Variants in PIEZO2 observed in about 807,000 individuals in gnomAD.
PIEZO2 encodes the protein piezo-type mechanosensitive ion channel component 2.
Under a neutral mutation model 337.3 loss-of-function variants are expected in PIEZO2, and 172 were observed. That is an observed-to-expected ratio of 0.51 (90% CI 0.45 to 0.58). The LOEUF is 0.58. PIEZO2 is among the 20% of genes least tolerant of loss of function. The pLI, the probability that PIEZO2 is intolerant of heterozygous loss-of-function variation, is 0.00. For synonymous variants in PIEZO2, 1,251 were observed against 1,228.5 expected (o/e 1.02, Z -0.38); for missense variants, 3,028 against 3,391.3 (o/e 0.89, Z 2.66).
intron 7 of PIEZO2, among the ~76,000 whole-genome samples, chr18:10,811,244 G>T (rs1346000122): frequency 6.6e-6 from 1 of 152,058 alleles, no homozygotes; most frequent in African/African-American, 2.4e-5. Context: ...CTCCTTCTTA[G>T]ATTCAGTTTT....
rs2039125959 is a variant in PIEZO2 at position 11,092,541 on chromosome 18, T to C, written c.65-26319A>G. Reference sequence around the variant, plus strand: ...TATTTTCTAGAATTAGCATAAATACTTTTGAAACCAGGAAAATAAGTTATT... The same window carrying C: ...TATTTTCTAGAATTAGCATAAATACCTTTGAAACCAGGAAAATAAGTTATT... On this transcript the variant is annotated intron_variant, in intron 1 of 55. Transcript: ENST00000674853. This position sits in a 1 kb window ranked among gnomAD's most constrained non-coding sequence, Gnocchi z 4.5. 6.6e-6 allele frequency among the ~76,000 whole-genome samples: 1 copy of C among 152,242 alleles called. No homozygotes were observed. Among genetic ancestry groups the C allele is most frequent in the Admixed American group, 6.5e-5 (1 of 15,286 alleles).
chr18:10,909,913 G>A (rs943262374), intron 4 of PIEZO2, among the ~76,000 whole-genome samples: 2 of 152,218 alleles, frequency 1.3e-5, no homozygotes, highest in Admixed American at 6.5e-5. Flanking sequence ...AACAGCGATG[G>A]TGCTGATGTA....
intron 43 of PIEZO2, 41 bp from the exon 44 acceptor site, chr18:10,699,218 A>C (rs1263976080): frequency 2.6e-6 from 4 of 1,534,572 alleles, no homozygotes; most frequent in Non-Finnish European, 3.5e-6. Context: ...CTACTGTTTC[A>C]GGTGGAACCC....
intron 36 of PIEZO2, among the ~76,000 whole-genome samples, chr18:10,720,363 C>A (rs11661313): frequency 1.8e-5 from 1 of 56,298 alleles, no homozygotes; most frequent in Non-Finnish European, 3.2e-5. Context: ...TATATATATT[C>A]TGTGTGTGTG....
In PIEZO2 at chr18:10,828,126, GTTTGT is replaced by G. The variant is rs2040733342; in HGVS notation, c.918-20857_918-20853del. On this transcript the variant is annotated intron_variant, in intron 7 of 55. Coordinates refer to ENST00000674853, the MANE Select transcript of PIEZO2 (RefSeq NM_001378183.1). This position sits in a 1 kb window ranked among gnomAD's most constrained non-coding sequence, Gnocchi z 4.1. The stretch of plus-strand genomic sequence containing the variant: ...CGAAATAGCATGACGGTTTTTTTTT[GTTTGT>G]TTGTTTTTGTTTTTTTTTTTTTTTA... Among the ~76,000 whole-genome samples the G allele has an allele frequency of 1.1e-5, 1 of 91,988 alleles. No individual in the cohort carries two copies. Among genetic ancestry groups the G allele is most frequent in the African/African-American group, 5.8e-5 (1 of 17,364 alleles). The allele number at this position is 91,988 out of a possible 152,430, so 60.3% of individuals were successfully genotyped here.
chr18:10,990,925 G>A (rs1458069296), intron 2 of PIEZO2, among the ~76,000 whole-genome samples: 1 of 151,804 alleles, frequency 6.6e-6, no homozygotes, highest in East Asian at 1.9e-4. Context: ...AAAAATATTT[G>A]CAAGCCTGTT....
rs1568225901 is a variant in PIEZO2, at chr18:10,945,079, G to A, written c.287-33851C>T. Among the ~76,000 whole-genome samples the A allele has an allele frequency of 6.6e-6, 1 of 152,148 alleles. No individual in the cohort carries two copies. Among genetic ancestry groups the A allele is most frequent in the South Asian group, 2.1e-4 (1 of 4,826 alleles). ...AAAGAGTATTAGAGAATAGATTGCA[G>A]CACAGAAGAAGGGCCCCGGAGATCT... On this transcript the variant is annotated intron_variant, in intron 3 of 55. Coordinates refer to ENST00000674853, the MANE Select transcript of PIEZO2 (RefSeq NM_001378183.1). The surrounding 1 kb of genome is among the most constrained non-coding windows in gnomAD (Gnocchi z 4.0).
intron 21 of PIEZO2, among the ~76,000 whole-genome samples, chr18:10,764,954 A>G (rs1360245997): frequency 6.6e-6 from 1 of 152,252 alleles, no homozygotes; most frequent in East Asian, 1.9e-4. Context: ...ATGCTGTGAA[A>G]TTAACTCAGT....
chr18:10,710,256 C>T lies in PIEZO2; in HGVS notation c.5424-1817G>A, dbSNP rs79509006. Among the ~76,000 whole-genome samples, 358 of 152,270 alleles carry T rather than the reference C, an allele frequency of 2.4e-3. 1 individual carries two copies. In the Middle Eastern group the frequency reaches 0.041, roughly 17 times the overall value. On this transcript the variant is annotated intron_variant, in intron 39 of 55. Coordinates refer to ENST00000674853, the MANE Select transcript of PIEZO2 (RefSeq NM_001378183.1). Reference sequence around the variant, plus strand: ...ACATAATCCCACACAGTTGGGTTCCCGGTAGGGCAACTAATACATCACACA... The same window carrying T: ...ACATAATCCCACACAGTTGGGTTCCTGGTAGGGCAACTAATACATCACACA...
chr18:10,820,718 G>C (rs146660391), intron 7 of PIEZO2, among the ~76,000 whole-genome samples: 1 of 151,914 alleles, frequency 6.6e-6, no homozygotes, highest in African/African-American at 2.4e-5. Context: ...CTACATTATC[G>C]AGTGTCTCGA....
chr18:10,696,567 C>G (rs752402186), intron 45 of PIEZO2, 28 bp from the exon 46 acceptor site: 1 of 1,611,552 alleles, frequency 6.2e-7, no homozygotes, highest in South Asian at 1.1e-5. Flanking sequence ...CCACCCCCAA[C>G]CCACTTGTTT....
At chr18:10,917,425 T>C (rs1427439001) in intron 3 of PIEZO2, among the ~76,000 whole-genome samples, 1 of 152,172 alleles carries the variant, frequency 6.6e-6, no homozygotes, top group Non-Finnish European at 1.5e-5. Context: ...AAAGAAGACA[T>C]CTCTGTCTTC....
intron 13 of PIEZO2, among the ~76,000 whole-genome samples, chr18:10,792,890 C>A (rs186096485): frequency 6.6e-6 from 1 of 152,234 alleles, no homozygotes; most frequent in African/African-American, 2.4e-5. Context: ...TACATTCCCA[C>A]CAGCAGTGTG....
chr18:10,978,679 A>G (rs74898553), intron 3 of PIEZO2, among the ~76,000 whole-genome samples: 8,414 of 152,262 alleles, frequency 0.055, 510 homozygotes, highest in African/African-American at 0.15. Context: ...GGGAAAAGCA[A>G]GTTTGCTTGT....
chr18:10,977,904 T>C (rs2145478188), intron 3 of PIEZO2, among the ~76,000 whole-genome samples: 1 of 152,284 alleles, frequency 6.6e-6, no homozygotes, highest in African/African-American at 2.4e-5. Flanking sequence ...AGTGGTTGCC[T>C]AGAGATGGCT....
intron 12 of PIEZO2, among the ~76,000 whole-genome samples, chr18:10,796,079 T>C (rs568149118): frequency 6.6e-6 from 1 of 152,136 alleles, no homozygotes; most frequent in African/African-American, 2.4e-5. Flanking sequence ...ACATTATTGC[T>C]GCTGGCCGGG....
At chr18:10,955,390 T>C (rs1598742155) in intron 3 of PIEZO2, among the ~76,000 whole-genome samples, 1 of 152,324 alleles carries the variant, frequency 6.6e-6, no homozygotes, top group African/African-American at 2.4e-5. Context: ...CTAGATGTTT[T>C]CTTTCTTGGT....
At chr18:10,987,886 T>G (rs966132465) in intron 2 of PIEZO2, among the ~76,000 whole-genome samples, 2 of 152,062 alleles carry the variant, frequency 1.3e-5, no homozygotes, top group Non-Finnish European at 2.9e-5. Flanking sequence ...AGGACCTGAA[T>G]AGATATTTCT....
At chr18:11,095,787 C>G (rs1446158749) in intron 1 of PIEZO2, among the ~76,000 whole-genome samples, 1 of 152,014 alleles carries the variant, frequency 6.6e-6, no homozygotes, top group Admixed American at 6.5e-5. Context: ...TCTAAATAGC[C>G]CTGAAATCCC....
Sources: gnomAD v4.1 joint callset for allele counts (sites outside exome capture counted in the v4.1 genomes callset) on GRCh38, gnomAD v4.1.1 for gene constraint, Gnocchi (gnomAD v3.1) non-coding constraint, MANE v1.5 for transcripts, NCBI Gene and HGNC (gene_info 2026-07-23, HGNC 2026-07-21) for gene names.